Variants in PALM2AKAP2 observed in about 807,000 individuals in gnomAD.
PALM2AKAP2 encodes the protein PALM2 and AKAP2 fusion.
In PALM2AKAP2, 37 loss-of-function variants were observed where a neutral mutation model predicts 71.5. That is an observed-to-expected ratio of 0.52 (90% confidence interval 0.40 to 0.68). PALM2AKAP2 has a LOEUF of 0.68. PALM2AKAP2 is among the 30% of genes least tolerant of loss of function. PALM2AKAP2 has a pLI of 0.00. For missense variants in PALM2AKAP2, 1,224 were observed against 1,191.8 expected, an observed-to-expected ratio of 1.03 and a Z score of -0.40; for synonymous variants, 468 against 478.8, an observed-to-expected ratio of 0.98 and a Z score of 0.29.
At chr9:110,052,424 C>G (rs1833730334) in intron 1 of PALM2AKAP2, among the ~76,000 whole-genome samples, 1 of 152,198 alleles carries the variant, frequency 6.6e-6, no homozygotes, top group Admixed American at 6.5e-5. Context: ...ATAATCCCCT[C>G]TATGAACATG....
intron 6 of PALM2AKAP2, among the ~76,000 whole-genome samples, chr9:110,011,014 A>ATATATATATATATAT (rs1554737803): frequency 1.4e-4 from 10 of 69,586 alleles, no homozygotes; most frequent in African/African-American, 5.5e-4. Flanking sequence ...AAAAAAAAAA[A>ATATATATATATATAT]ATATATATAT....
At chr9:110,015,924 C>A in intron 6 of PALM2AKAP2, 30 bp from the exon 7 acceptor site, 1 of 1,597,288 alleles carries the variant, frequency 6.3e-7, no homozygotes. Context: ...AATGACTTGG[C>A]TCAAATGGCA....
intron 1 of PALM2AKAP2, among the ~76,000 whole-genome samples, chr9:110,094,053 C>A (rs1834777105): frequency 6.6e-6 from 1 of 152,190 alleles, no homozygotes; most frequent in Non-Finnish European, 1.5e-5. Context: ...TAATATCCTT[C>A]ATACAGCACA....
chr9:109,732,670 A>G (rs1715161256), intron 1 of PALM2AKAP2, among the ~76,000 whole-genome samples: 1 of 152,204 alleles, frequency 6.6e-6, no homozygotes, highest in South Asian at 2.1e-4. Flanking sequence ...GACAGATAAT[A>G]AAGAAATAGT....
At chr9:109,734,306 T>C (rs1471677954) in intron 1 of PALM2AKAP2, among the ~76,000 whole-genome samples, 5 of 152,194 alleles carry the variant, frequency 3.3e-5, no homozygotes, top group African/African-American at 1.2e-4. Context: ...AAGAAATGCA[T>C]CATAACTGGC....
chr9:110,119,209 G>A (rs1188796734), intron 1 of PALM2AKAP2, among the ~76,000 whole-genome samples: 2 of 151,866 alleles, frequency 1.3e-5, no homozygotes, highest in East Asian at 1.9e-4. Context: ...TGGGTGTGGT[G>A]GTGGGCGCCT....
chr9:109,999,625 G>A (rs1484418772), intron 6 of PALM2AKAP2, among the ~76,000 whole-genome samples: 1 of 152,218 alleles, frequency 6.6e-6, no homozygotes, highest in Non-Finnish European at 1.5e-5. Context: ...CAAACACTTG[G>A]ATGAGACTAA....
intron 1 of PALM2AKAP2, among the ~76,000 whole-genome samples, chr9:109,691,572 A>G (rs1037103507): frequency 6.6e-6 from 1 of 151,586 alleles, no homozygotes; most frequent in South Asian, 2.1e-4. Flanking sequence ...TCTTATATCA[A>G]ATTTGACCTT....
intron 1 of PALM2AKAP2, among the ~76,000 whole-genome samples, chr9:109,641,550 G>T (rs1397263538): frequency 2.0e-5 from 3 of 152,162 alleles, no homozygotes; most frequent in African/African-American, 4.8e-5. Flanking sequence ...TCCGGTTGTG[G>T]GTCTGGTCTA....
intron 1 of PALM2AKAP2, among the ~76,000 whole-genome samples, chr9:109,654,825 A>G (rs1483648933): frequency 2.0e-5 from 3 of 151,768 alleles, no homozygotes; most frequent in Non-Finnish European, 4.4e-5. Context: ...CTAAAATGCC[A>G]TCTTTCAGAT....
chr9:110,012,494 A>G (rs75390908), intron 6 of PALM2AKAP2, among the ~76,000 whole-genome samples: 1,559 of 152,240 alleles, frequency 0.01, 26 homozygotes, highest in African/African-American at 0.036. Flanking sequence ...TCTCCAAAAT[A>G]CAGTTTTCTC....
At chr9:109,793,219 C>G (rs769504286) in intron 1 of PALM2AKAP2, among the ~76,000 whole-genome samples, 13 of 152,190 alleles carry the variant, frequency 8.5e-5, no homozygotes, top group Non-Finnish European at 5.9e-5. Context: ...AAGAAATGAT[C>G]TAATATGTGC....
chr9:109,880,509 G>A (rs143520078), intron 2 of PALM2AKAP2, 42 bp from the exon 3 acceptor site: 1 of 1,609,176 alleles, frequency 6.2e-7, no homozygotes, highest in East Asian at 2.2e-5. Flanking sequence ...AGTGTGGACT[G>A]AAAAGTATCA....
intron 3 of PALM2AKAP2, among the ~76,000 whole-genome samples, chr9:110,164,256 C>T (rs1330800207): frequency 6.6e-6 from 1 of 152,044 alleles, no homozygotes; most frequent in Non-Finnish European, 1.5e-5. Context: ...CCCACTCTGT[C>T]TTCAATTTAA....
intron 1 of PALM2AKAP2, among the ~76,000 whole-genome samples, chr9:110,110,129 T>C (rs1178820244): frequency 6.6e-6 from 1 of 152,230 alleles, no homozygotes; most frequent in Non-Finnish European, 1.5e-5. Flanking sequence ...AGGTAACATA[T>C]AGTAATTAGC....
intron 6 of PALM2AKAP2, among the ~76,000 whole-genome samples, chr9:109,983,932 T>C (rs985376614): frequency 3.3e-5 from 5 of 151,888 alleles, no homozygotes; most frequent in Non-Finnish European, 7.4e-5. Context: ...AAGGAGATAA[T>C]TCATATAGAA....
At chr9:109,864,208 G>A (rs1005617430) in intron 1 of PALM2AKAP2, among the ~76,000 whole-genome samples, 55 of 152,308 alleles carry the variant, frequency 3.6e-4, no homozygotes, top group African/African-American at 1.2e-3. Flanking sequence ...GCTGCTGCCT[G>A]GTTGTATGTG....
chr9:110,136,294 C>A, exon 2 of PALM2AKAP2: 1 of 1,614,158 alleles, frequency 6.2e-7, no homozygotes, highest in Non-Finnish European at 8.5e-7. Flanking sequence ...TCACCTCTAC[C>A]CCACATCCCA....
intron 6 of PALM2AKAP2, among the ~76,000 whole-genome samples, chr9:109,936,847 G>A (rs1020719811): frequency 1.3e-5 from 2 of 152,106 alleles, no homozygotes; most frequent in African/African-American, 4.8e-5. Context: ...CGGAACATGT[G>A]GTGCTTATAT....
Sources: gnomAD v4.1 joint callset for allele counts (sites outside exome capture counted in the v4.1 genomes callset) on GRCh38, gnomAD v4.1.1 for gene constraint, MANE v1.5 for transcripts, NCBI Gene and HGNC (gene_info 2026-07-23, HGNC 2026-07-21) for gene names.